The following RALYL variants were observed in gnomAD, a reference collection of about 807,000 sequenced individuals.
The protein encoded by RALYL is RNA-binding Raly-like protein.
In RALYL, 29 loss-of-function variants were observed where a neutral mutation model predicts 35.1. The observed-to-expected ratio is 0.83, with a 90% CI of 0.61 to 1.13. The LOEUF is 1.13. Among genes scored for constraint, RALYL ranks in the 50% most tolerant of loss-of-function variants. The pLI, the probability that RALYL is intolerant of heterozygous loss-of-function variation, is 0.00. For synonymous variants in RALYL, 120 were observed against 127.6 expected, an observed-to-expected ratio of 0.94 and a Z score of 0.40; for missense variants, 359 against 360.4, an observed-to-expected ratio of 1.00 and a Z score of 0.03.
chr8:84,843,493 C>T (rs552063304), intron 4 of RALYL, among the ~76,000 whole-genome samples: 2,350 of 152,254 alleles, frequency 0.015, 23 homozygotes, highest in Middle Eastern at 0.031. Flanking sequence ...GAAGAACATT[C>T]CATGCTCATG....
chr8:84,638,993 C>T (rs1342420492), intron 2 of RALYL, among the ~76,000 whole-genome samples: 1 of 142,166 alleles, frequency 7.0e-6, no homozygotes, highest in Non-Finnish European at 1.5e-5. Flanking sequence ...CACACACACA[C>T]ACACACACAG....
chr8:84,498,492 T>C (rs1014977676), intron 1 of RALYL, among the ~76,000 whole-genome samples: 1 of 152,158 alleles, frequency 6.6e-6, no homozygotes, highest in African/African-American at 2.4e-5. Flanking sequence ...CTTGTTAACA[T>C]GGCACCTCAA....
At chr8:84,303,804 G>A (rs563351593) in intron 1 of RALYL, among the ~76,000 whole-genome samples, 55 of 152,090 alleles carry the variant, frequency 3.6e-4, no homozygotes, top group African/African-American at 1.3e-3. Flanking sequence ...ATGATTTATG[G>A]GTATTTCCAT....
chr8:84,741,598 T>C (rs1178120973), intron 2 of RALYL, among the ~76,000 whole-genome samples: 1 of 151,972 alleles, frequency 6.6e-6, no homozygotes, highest in Admixed American at 6.6e-5. Context: ...ATCCCGTTTG[T>C]AATGACTGAG....
intron 3 of RALYL, among the ~76,000 whole-genome samples, chr8:84,778,462 T>C (rs1469598866): frequency 6.6e-6 from 1 of 152,198 alleles, no homozygotes; most frequent in Non-Finnish European, 1.5e-5. Context: ...ATAAGTTAGA[T>C]GCACAGATGA....
At chr8:84,650,812 G>A (rs1828613618) in intron 2 of RALYL, among the ~76,000 whole-genome samples, 1 of 151,804 alleles carries the variant, frequency 6.6e-6, no homozygotes, top group African/African-American at 2.4e-5. Flanking sequence ...GCAAAGACTT[G>A]GAACCAACCC....
At chr8:84,853,688 CTAGTGGA>C (rs1836345281) in intron 5 of RALYL, among the ~76,000 whole-genome samples, 1 of 152,164 alleles carries the variant, frequency 6.6e-6, no homozygotes, top group Admixed American at 6.5e-5. Context: ...GCATCTGCCA[CTAGTGGA>C]TATACTCAAG....
chr8:84,550,300 A>G (rs2060630089), intron 2 of RALYL, among the ~76,000 whole-genome samples: 1 of 152,002 alleles, frequency 6.6e-6, no homozygotes, highest in Admixed American at 6.6e-5. Flanking sequence ...TAAAAACTAG[A>G]TTGGCAGTTA....
intron 1 of RALYL, among the ~76,000 whole-genome samples, chr8:84,274,205 G>A (rs890926462): frequency 6.6e-6 from 1 of 152,124 alleles, no homozygotes; most frequent in Non-Finnish European, 1.5e-5. Context: ...GCATATGTGT[G>A]CCTCAGTTTA....
At chr8:84,722,277 G>A (rs1844066529) in intron 2 of RALYL, among the ~76,000 whole-genome samples, 5 of 151,586 alleles carry the variant, frequency 3.3e-5, no homozygotes, top group Non-Finnish European at 7.4e-5. Context: ...TCTGGACTTG[G>A]TAATTTAAAA....
intron 1 of RALYL, among the ~76,000 whole-genome samples, chr8:84,405,288 C>A (rs185857253): frequency 6.6e-6 from 1 of 152,158 alleles, no homozygotes; most frequent in Non-Finnish European, 1.5e-5. Flanking sequence ...CACACCATAA[C>A]AATTGAAAGA....
At chr8:84,625,427 A>G (rs1822515088) in intron 2 of RALYL, among the ~76,000 whole-genome samples, 1 of 152,200 alleles carries the variant, frequency 6.6e-6, no homozygotes, top group South Asian at 2.1e-4. Flanking sequence ...GACAACAGAA[A>G]TAGAAGAAGT....
intron 2 of RALYL, among the ~76,000 whole-genome samples, chr8:84,698,516 G>C (rs1310758554): frequency 6.6e-6 from 1 of 151,912 alleles, no homozygotes; most frequent in African/African-American, 2.4e-5. Flanking sequence ...TTAGCATCAT[G>C]TATTTATTAC....
chr8:84,560,835 G>A (rs2135579579), intron 2 of RALYL, among the ~76,000 whole-genome samples: 1 of 151,958 alleles, frequency 6.6e-6, no homozygotes, highest in South Asian at 2.1e-4. Flanking sequence ...CAGAGAACTT[G>A]TCAATTAAAT....
intron 1 of RALYL, among the ~76,000 whole-genome samples, chr8:84,304,590 C>T (rs1433928399): frequency 6.7e-6 from 1 of 150,258 alleles, no homozygotes; most frequent in Admixed American, 6.6e-5. Flanking sequence ...AATAAACTCT[C>T]ATAAAGTTTA....
At chr8:84,248,264 G>C (rs551077709) in intron 1 of RALYL, among the ~76,000 whole-genome samples, 1 of 152,170 alleles carries the variant, frequency 6.6e-6, no homozygotes, top group Admixed American at 6.5e-5. Flanking sequence ...TAGGCTTACA[G>C]CCTGAACAAC....
intron 1 of RALYL, among the ~76,000 whole-genome samples, chr8:84,307,594 C>G (rs1842063325): frequency 6.6e-6 from 1 of 152,102 alleles, no homozygotes; most frequent in Non-Finnish European, 1.5e-5. Context: ...CTGAAATTTA[C>G]TCAAGGCCAG....
intron 3 of RALYL, among the ~76,000 whole-genome samples, chr8:84,780,965 C>A (rs1563588820): frequency 6.6e-6 from 1 of 152,112 alleles, no homozygotes; most frequent in Non-Finnish European, 1.5e-5. Context: ...TTCGAGTGAT[C>A]TTCCCACCTC....
intron 8 of RALYL, among the ~76,000 whole-genome samples, chr8:84,916,540 C>A (rs1349329202): frequency 1.3e-5 from 2 of 151,980 alleles, no homozygotes; most frequent in African/African-American, 4.8e-5. Flanking sequence ...AGTTTCCCTG[C>A]ACAGGCTCTC....
Sources: gnomAD v4.1 joint callset for allele counts (sites outside exome capture counted in the v4.1 genomes callset) on GRCh38, gnomAD v4.1.1 for gene constraint, MANE v1.5 for transcripts, NCBI Gene and HGNC (gene_info 2026-07-23, HGNC 2026-07-21) for gene names.